NR6A1: variants seen among roughly 807,000 people sequenced by gnomAD.
NR6A1 encodes nuclear receptor subfamily 6 group A member 1, also known as retinoic acid receptor-related testis-associated receptor.
Under a neutral mutation model 59.1 loss-of-function variants are expected in NR6A1, and 7 were observed. That is an observed-to-expected ratio of 0.12 (90% CI 0.07 to 0.22). The LOEUF is 0.22. Ranked by LOEUF, NR6A1 falls within the 10% of genes least tolerant of loss-of-function variation. The pLI, the probability that NR6A1 is intolerant of heterozygous loss-of-function variation, is 1.00. For missense variants in NR6A1, 468 were observed against 611.6 expected, an observed-to-expected ratio of 0.77 and a Z score of 2.48; for synonymous variants, 243 against 236.1, an observed-to-expected ratio of 1.03 and a Z score of -0.27.
intron 1 of NR6A1, among the ~76,000 whole-genome samples, chr9:124,751,998 G>A (rs1300967710): frequency 2.6e-5 from 4 of 152,208 alleles, no homozygotes; most frequent in South Asian, 4.1e-4. Flanking sequence ...CAGAAGGGCA[G>A]GATGGCTCAC....
intron 2 of NR6A1, among the ~76,000 whole-genome samples, chr9:124,714,190 C>CA (rs1839355123): frequency 6.6e-6 from 1 of 152,124 alleles, no homozygotes; most frequent in African/African-American, 2.4e-5. Flanking sequence ...CTAGAGTAGA[C>CA]AAATTCATAG....
chr9:124,737,878 A>G (rs1454576405), intron 1 of NR6A1, among the ~76,000 whole-genome samples: 1 of 152,000 alleles, frequency 6.6e-6, no homozygotes, highest in Non-Finnish European at 1.5e-5. Flanking sequence ...AACCAAAAAA[A>G]AGAGGCTGGG....
At chr9:124,606,996 T>C (rs1835592391) in intron 2 of NR6A1, among the ~76,000 whole-genome samples, 1 of 152,136 alleles carries the variant, frequency 6.6e-6, no homozygotes, top group South Asian at 2.1e-4. Flanking sequence ...AACCTTTAAA[T>C]ATGTTGAGTA....
chr9:124,645,677 A>G (rs1836910286), intron 2 of NR6A1, among the ~76,000 whole-genome samples: 1 of 152,350 alleles, frequency 6.6e-6, no homozygotes, highest in East Asian at 1.9e-4. Context: ...AAAAAAACAG[A>G]TAAATCCACC....
chr9:124,705,941 A>T lies in NR6A1; in HGVS notation c.142+27367T>A, dbSNP rs150033173. 5.5e-3 allele frequency among the ~76,000 whole-genome samples: 842 copies of T among 152,074 alleles called. 6 individuals carry two copies. The highest frequency in any genetic ancestry group is 0.019 in the African/African-American group (800 of 41,484). On this transcript the variant is annotated intron_variant, in intron 2 of 9. Coordinates refer to ENST00000487099, the MANE Select transcript of NR6A1 (RefSeq NM_033334.4). ...CAGGTGCTCGTGACCATGCCCGTCT[A>T]ATTTTTGTATTTTTAGTAGAGACAA...
At chr9:124,750,150 CATGTTA>C (rs1018159235) in intron 1 of NR6A1, among the ~76,000 whole-genome samples, 4 of 152,182 alleles carry the variant, frequency 2.6e-5, no homozygotes, top group African/African-American at 9.7e-5. Context: ...CAGTCCCTAC[CATGTTA>C]AGGCTCTCAT....
chr9:124,653,995 G>C (rs1837176484), intron 2 of NR6A1, among the ~76,000 whole-genome samples: 1 of 152,144 alleles, frequency 6.6e-6, no homozygotes, highest in African/African-American at 2.4e-5. Context: ...TTAATACAGA[G>C]AATCAGGCTG....
At chr9:124,731,603 A>T (rs1839885333) in intron 2 of NR6A1, among the ~76,000 whole-genome samples, 1 of 151,938 alleles carries the variant, frequency 6.6e-6, no homozygotes, top group Non-Finnish European at 1.5e-5. Flanking sequence ...CACCTCTGCC[A>T]CTCAAGAGCA....
At chr9:124,545,887 G>A (rs1833580938) in intron 3 of NR6A1, among the ~76,000 whole-genome samples, 1 of 152,224 alleles carries the variant, frequency 6.6e-6, no homozygotes, top group African/African-American at 2.4e-5. Context: ...AGGCTGAGGA[G>A]GGCAGATCAC....
rs536734059 is a variant in NR6A1 at position 124,723,102 on chromosome 9, T to TTA, written c.142+10204_142+10205dup. On this transcript the variant is annotated intron_variant, in intron 2 of 9. Coordinates refer to ENST00000487099, the MANE Select transcript of NR6A1 (RefSeq NM_033334.4). ...TAATACATACTATTTATTATACACA[T>TTA]TATATATATGCTATATCATTTATAT... Among the ~76,000 whole-genome samples the TTA allele has an allele frequency of 1.2e-3, 175 of 152,136 alleles. 1 individual carries two copies. Among genetic ancestry groups the TTA allele is most frequent in the African/African-American group, 3.8e-3 (159 of 41,494 alleles).
chr9:124,693,670 C>A, intron 2 of NR6A1: 1 of 531,582 alleles, frequency 1.9e-6, no homozygotes, highest in South Asian at 1.4e-5. Context: ...AGCCAGGAGT[C>A]AGCCAGGGAG....
At chr9:124,619,891 G>A (rs1198228829) in intron 2 of NR6A1, among the ~76,000 whole-genome samples, 4 of 151,952 alleles carry the variant, frequency 2.6e-5, no homozygotes, top group South Asian at 2.1e-4. Context: ...GTGAAACCCC[G>A]TCTCTACTAA....
chr9:124,630,217 T>G (rs1057000348), intron 2 of NR6A1, among the ~76,000 whole-genome samples: 1 of 146,694 alleles, frequency 6.8e-6, no homozygotes, highest in Non-Finnish European at 1.5e-5. Context: ...TCAGTTTTTT[T>G]TTTTTTTTTT....
At chr9:124,601,046 C>A (rs1231228852) in intron 2 of NR6A1, among the ~76,000 whole-genome samples, 1 of 150,476 alleles carries the variant, frequency 6.6e-6, no homozygotes, top group Non-Finnish European at 1.5e-5. Context: ...GAGGCCAAGG[C>A]GGGTGGATTA....
intron 8 of NR6A1, 49 bp downstream of exon 8, chr9:124,526,730 G>A: frequency 1.4e-5 from 23 of 1,605,742 alleles, no homozygotes; most frequent in Non-Finnish European, 2.0e-5. Context: ...AATGCTCACT[G>A]CCTGCCTCCC....
chr9:124,626,097 G>A (rs1374643462), intron 2 of NR6A1, among the ~76,000 whole-genome samples: 1 of 152,186 alleles, frequency 6.6e-6, no homozygotes, highest in African/African-American at 2.4e-5. Flanking sequence ...ACCTCTGCCT[G>A]CGGGCTCAAG....
At chr9:124,523,425 G>A (rs1375963967) in intron 9 of NR6A1, among the ~76,000 whole-genome samples, 1 of 152,126 alleles carries the variant, frequency 6.6e-6, no homozygotes, top group African/African-American at 2.4e-5. Context: ...GTACCTCTGA[G>A]TGACCTGGGG....
intron 2 of NR6A1, among the ~76,000 whole-genome samples, chr9:124,708,255 A>G (rs1438633027): frequency 1.3e-5 from 2 of 152,212 alleles, no homozygotes; most frequent in African/African-American, 2.4e-5. Flanking sequence ...CTCCTGCAGC[A>G]GTCATAAAGC....
At chr9:124,715,711 A>G (rs527547146) in intron 2 of NR6A1, among the ~76,000 whole-genome samples, 30 of 151,372 alleles carry the variant, frequency 2.0e-4, no homozygotes, top group Middle Eastern at 6.8e-3. Context: ...AAGTGGGGAG[A>G]AAAAAAAACA....
Sources: gnomAD v4.1 joint callset for allele counts (sites outside exome capture counted in the v4.1 genomes callset) on GRCh38, gnomAD v4.1.1 for gene constraint, MANE v1.5 for transcripts, NCBI Gene and HGNC (gene_info 2026-07-23, HGNC 2026-07-21) for gene names.